Variants in LIPA observed in about 807,000 individuals in gnomAD.
LIPA encodes the protein lipase A, lysosomal acid type.
Under a neutral mutation model 40.6 loss-of-function variants are expected in LIPA, and 26 were observed. That is an observed-to-expected ratio of 0.64 (90% CI 0.47 to 0.89). The LOEUF (loss-of-function observed/expected upper bound fraction) is 0.89, where lower values mean the gene tolerates loss of function less well. Ranked by LOEUF, LIPA falls within the 40% of genes least tolerant of loss-of-function variation. LIPA has a pLI of 0.00. For missense variants in LIPA, 455 were observed against 479.6 expected, an observed-to-expected ratio of 0.95 and a Z score of 0.48; for synonymous variants, 188 against 168.4, an observed-to-expected ratio of 1.12 and a Z score of -0.90.
rs1245001126 is a variant in LIPA at position 89,223,670 on chromosome 10, A to G, written c.822+14T>C. The G allele has an allele frequency of 4.4e-6, 7 of 1,592,630 alleles. No homozygotes were observed. In the East Asian group the frequency reaches 8.9e-5, roughly 20 times the overall value. ...ATAAAAAAAAAAATCAAATCTTACT[A>G]TAAACATGCATACCATATTTAAATT... On this transcript the variant is annotated intron_variant, in intron 7 of 9. Coordinates refer to ENST00000336233, the MANE Select transcript of LIPA (RefSeq NM_000235.4).
chr10:89,317,086 G>C (rs1843545374), intron 1 of LIPA, among the ~76,000 whole-genome samples: 1 of 152,230 alleles, frequency 6.6e-6, no homozygotes, highest in Non-Finnish European at 1.5e-5. Context: ...ACCAAAGGTA[G>C]ATAAAACCAC....
chr10:89,384,887 C>G, intron 2 of LIPA: 1 of 628,612 alleles, frequency 1.6e-6, no homozygotes, highest in Non-Finnish European at 2.7e-6. Context: ...ATGTAGCATG[C>G]AACTGCAACT....
At chr10:89,378,621 T>C (rs1224352449) in intron 2 of LIPA, among the ~76,000 whole-genome samples, 1 of 152,210 alleles carries the variant, frequency 6.6e-6, no homozygotes, top group Non-Finnish European at 1.5e-5. Flanking sequence ...TGCTCCCCAG[T>C]GGGCCAACCC....
At chr10:89,320,114 C>T (rs780195930) in intron 1 of LIPA, among the ~76,000 whole-genome samples, 13 of 152,160 alleles carry the variant, frequency 8.5e-5, no homozygotes, top group Non-Finnish European at 1.6e-4. Flanking sequence ...CAATATCATA[C>T]TGAATGGGCA....
intron 2 of LIPA, chr10:89,412,635 C>T: frequency 3.7e-6 from 1 of 270,444 alleles, no homozygotes; most frequent in Middle Eastern, 1.4e-3. Context: ...CTGTAACACT[C>T]ACCACAAAGG....
intron 1 of LIPA, chr10:89,306,256 T>G: frequency 1.2e-6 from 2 of 1,614,174 alleles, no homozygotes; most frequent in Non-Finnish European, 1.7e-6. Context: ...GGGGAAACTA[T>G]GCCTGGGTCT....
intron 8 of LIPA, among the ~76,000 whole-genome samples, chr10:89,221,066 G>A (rs1842691735): frequency 2.0e-5 from 3 of 152,076 alleles, no homozygotes; most frequent in Admixed American, 2.0e-4. Context: ...GGAGGGATGG[G>A]GGGAGGTATC....
chr10:89,369,074 A>T (rs1483677271), intron 2 of LIPA, among the ~76,000 whole-genome samples: 1 of 152,128 alleles, frequency 6.6e-6, no homozygotes, highest in Non-Finnish European at 1.5e-5. Flanking sequence ...ATCTTTTTCC[A>T]TGGGCAGTGC....
chr10:89,290,699 C>T (rs1190963960), intron 1 of LIPA, among the ~76,000 whole-genome samples: 2 of 152,150 alleles, frequency 1.3e-5, no homozygotes, highest in African/African-American at 4.8e-5. Flanking sequence ...ACCTGGTGAC[C>T]CCCACCTCTG....
chr10:89,311,006 C>A (rs1843512508), intron 1 of LIPA, among the ~76,000 whole-genome samples: 1 of 152,082 alleles, frequency 6.6e-6, no homozygotes, highest in South Asian at 2.1e-4. Context: ...GAAATTGGCC[C>A]CAGTGTGTTT....
At chr10:89,261,341 C>A (rs888897704) in intron 1 of LIPA, among the ~76,000 whole-genome samples, 3 of 152,128 alleles carry the variant, frequency 2.0e-5, no homozygotes, top group Non-Finnish European at 4.4e-5. Context: ...TCCATGTCTA[C>A]TAAAAATGCA....
chr10:89,402,450 G>C (rs757100074), intron 2 of LIPA: 6 of 1,614,028 alleles, frequency 3.7e-6, no homozygotes, highest in African/African-American at 1.3e-5. Flanking sequence ...CAACCTACTA[G>C]CCTATGTGAA....
chr10:89,292,080 C>T (rs1407613983), intron 1 of LIPA: 1 of 152,210 alleles, frequency 6.6e-6, no homozygotes, highest in Non-Finnish European at 1.5e-5. Context: ...GAACACCAGC[C>T]TTGGACAGTT....
At chr10:89,295,010 GGAAAT>G (rs1270843707) in intron 1 of LIPA, among the ~76,000 whole-genome samples, 1,905 of 120,320 alleles carry the variant, frequency 0.016, 45 homozygotes, top group Middle Eastern at 0.034. Flanking sequence ...AGAAAGGAAA[GGAAAT>G]GAAATGAAAG....
chr10:89,359,776 G>T (rs772370159), intron 2 of LIPA, among the ~76,000 whole-genome samples: 29 of 151,430 alleles, frequency 1.9e-4, no homozygotes, highest in Non-Finnish European at 3.8e-4. Context: ...TCCACTGAAG[G>T]CCTGGATCTC....
intron 2 of LIPA, among the ~76,000 whole-genome samples, chr10:89,407,734 T>C (rs1420964227): frequency 6.6e-6 from 1 of 152,150 alleles, no homozygotes; most frequent in Non-Finnish European, 1.5e-5. Flanking sequence ...CTTAGGACTC[T>C]AACAGGTTTT....
chr10:89,402,148 T>TAA, intron 2 of LIPA: 1 of 646,978 alleles, frequency 1.5e-6, no homozygotes, highest in Admixed American at 3.0e-5. Flanking sequence ...AACTTAAAAA[T>TAA]ACATTAACTT....
intron 1 of LIPA, among the ~76,000 whole-genome samples, chr10:89,270,441 A>T (rs1843260113): frequency 6.6e-6 from 1 of 152,232 alleles, no homozygotes; most frequent in African/African-American, 2.4e-5. Context: ...AGTGGGTGGG[A>T]AATAAACCCC....
chr10:89,376,013 C>A (rs1207377715), intron 2 of LIPA, among the ~76,000 whole-genome samples: 1 of 151,608 alleles, frequency 6.6e-6, no homozygotes, highest in Non-Finnish European at 1.5e-5. Flanking sequence ...ATGGTGAAAC[C>A]CCATCTCTAC....
Sources: gnomAD v4.1 joint callset for allele counts (sites outside exome capture counted in the v4.1 genomes callset) on GRCh38, gnomAD v4.1.1 for gene constraint, MANE v1.5 for transcripts, NCBI Gene and HGNC (gene_info 2026-07-23, HGNC 2026-07-21) for gene names.